DLGAP2: variants seen among roughly 807,000 people sequenced by gnomAD.
DLGAP2 encodes the protein DLG associated protein 2.
Under a neutral mutation model 100.3 loss-of-function variants are expected in DLGAP2, and 26 were observed. The ratio of observed to expected loss-of-function variants is 0.26; its 90% CI spans 0.19 to 0.36. The LOEUF (loss-of-function observed/expected upper bound fraction) is 0.36. Ranked by LOEUF, DLGAP2 falls within the 10% of genes least tolerant of loss-of-function variation. The probability of loss-of-function intolerance (pLI) is 1.00; values close to 1 mark genes in which losing one functional copy is unlikely to be tolerated. For missense variants in DLGAP2, 1,858 were observed against 1,453.2 expected, an observed-to-expected ratio of 1.28 and a Z score of -4.53; for synonymous variants, 886 against 630.1, an observed-to-expected ratio of 1.41 and a Z score of -6.08.
chr8:911,163 A>C (rs1038286913), intron 2 of DLGAP2, among the ~76,000 whole-genome samples: 10 of 152,130 alleles, frequency 6.6e-5, no homozygotes, highest in African/African-American at 2.4e-4. Flanking sequence ...CACTTGCTTT[A>C]GTATTTTTGA....
intron 2 of DLGAP2, among the ~76,000 whole-genome samples, chr8:999,192 G>A (rs548079709): frequency 2.2e-4 from 33 of 151,762 alleles, no homozygotes; most frequent in East Asian, 5.9e-4. Context: ...CCCTCCTCAC[G>A]CCAGAGATAC....
chr8:750,602 A>G (rs903311606), intron 1 of DLGAP2, among the ~76,000 whole-genome samples: 8 of 152,202 alleles, frequency 5.3e-5, no homozygotes, highest in Non-Finnish European at 1.2e-4. Context: ...AAAAACTACA[A>G]GTGAGCTATT....
At chr8:1,629,456 A>C (rs530057259) in intron 7 of DLGAP2, among the ~76,000 whole-genome samples, 1 of 152,316 alleles carries the variant, frequency 6.6e-6, no homozygotes, top group African/African-American at 2.4e-5. Flanking sequence ...ACATCAACTG[A>C]TCCTCCCCAA....
intron 2 of DLGAP2, among the ~76,000 whole-genome samples, chr8:1,052,556 T>C (rs1421065965): frequency 6.6e-6 from 1 of 152,178 alleles, no homozygotes; most frequent in Non-Finnish European, 1.5e-5. Flanking sequence ...TGACGGGGAC[T>C]CACAGGCAGG....
chr8:1,284,167 G>T lies in DLGAP2; in HGVS notation c.106+25284G>T, dbSNP rs542034409. ...CGCGGCTGTCTCCTGCAGTAGCTAA[G>T]TACAGCAATTTCCAGAACAAAGGGC... is the stretch of plus-strand genomic sequence containing the variant. On this transcript the variant is annotated intron_variant, in intron 3 of 14. Transcript: ENST00000637795. Among the ~76,000 whole-genome samples, 11 of 152,364 alleles carry T rather than the reference G, an allele frequency of 7.2e-5. No individual in the cohort carries two copies. The East Asian group carries it at 2.1e-3, about 29-fold the overall frequency.
chr8:1,696,030 C>G (rs1397698978), intron 13 of DLGAP2, among the ~76,000 whole-genome samples: 1 of 152,202 alleles, frequency 6.6e-6, no homozygotes, highest in African/African-American at 2.4e-5. Flanking sequence ...GGTCCTGGCT[C>G]TGGGTGAGGA....
At position 1,306,074 on chromosome 8, in the gene DLGAP2, C is replaced by CAAAAAAAA. The variant is rs61647224; in HGVS notation, c.106+47202_106+47209dup. Among the ~76,000 whole-genome samples, 102 of 116,422 alleles carry CAAAAAAAA rather than the reference C, an allele frequency of 8.8e-4. 4 individuals are homozygous for CAAAAAAAA. Among genetic ancestry groups the CAAAAAAAA allele is most frequent in the African/African-American group, 2.7e-3 (86 of 32,120 alleles). 76.4% of individuals were successfully genotyped at this position (116,422 alleles called of 152,430 possible). On this transcript the variant is annotated intron_variant, in intron 3 of 14. Transcript: ENST00000637795. The stretch of plus-strand genomic sequence containing the variant: ...AGAAGTCCTAGACAGAGAAATTAGG[C>CAAAAAAAA]AAAAAAAAAAAAAAAAAAGAGAGAG...
intron 2 of DLGAP2, among the ~76,000 whole-genome samples, chr8:1,084,721 G>C (rs1051866160): frequency 6.6e-6 from 1 of 152,146 alleles, no homozygotes; most frequent in Non-Finnish European, 1.5e-5. Context: ...TCCTTCTTTT[G>C]AGGCTGAATA....
intron 2 of DLGAP2, among the ~76,000 whole-genome samples, chr8:1,164,116 G>C (rs60583749): frequency 0.61 from 14,355 of 23,466 alleles, 5,064 homozygotes; most frequent in Middle Eastern, 0.7. Context: ...CTGTGAGCCC[G>C]CAGGGCCCGT....
At chr8:908,217 T>C (rs1408267758) in intron 2 of DLGAP2, among the ~76,000 whole-genome samples, 2 of 152,244 alleles carry the variant, frequency 1.3e-5, no homozygotes, top group Admixed American at 1.3e-4. Context: ...ATGATTGTTG[T>C]CCTGGGTTTT....
chr8:1,549,975 T>TGAC (rs1283473898), intron 5 of DLGAP2, among the ~76,000 whole-genome samples: 1 of 152,232 alleles, frequency 6.6e-6, no homozygotes, highest in African/African-American at 2.4e-5. Context: ...TCTCTTGAGC[T>TGAC]GACCCCTCCT....
intron 4 of DLGAP2, among the ~76,000 whole-genome samples, chr8:1,513,491 T>C (rs1350867488): frequency 1.3e-5 from 2 of 152,198 alleles, no homozygotes; most frequent in African/African-American, 4.8e-5. Flanking sequence ...ACAGCCCAGC[T>C]CAGAGGGGCC....
At chr8:1,222,720 A>G (rs1292077096) in intron 2 of DLGAP2, among the ~76,000 whole-genome samples, 1 of 151,972 alleles carries the variant, frequency 6.6e-6, no homozygotes, top group Non-Finnish European at 1.5e-5. Flanking sequence ...TATCTGCAGA[A>G]GTGCTCTGAT....
intron 5 of DLGAP2, among the ~76,000 whole-genome samples, chr8:1,557,934 G>T (rs192835374): frequency 6.6e-6 from 1 of 152,318 alleles, no homozygotes; most frequent in African/African-American, 2.4e-5. Context: ...ATAGGAATTT[G>T]GAGGAACACA....
chr8:1,094,297 A>C (rs1323795978), intron 2 of DLGAP2, among the ~76,000 whole-genome samples: 1 of 152,224 alleles, frequency 6.6e-6, no homozygotes, highest in African/African-American at 2.4e-5. Flanking sequence ...AGGCATTTTA[A>C]CTTTAATTAT....
chr8:1,598,713 C>T lies in DLGAP2; in HGVS notation c.1443-28027C>T, dbSNP rs138400816. On this transcript the variant is annotated intron_variant, in intron 6 of 14. Transcript: ENST00000637795. ...TTTCTGTGGGATCAGTGGTGATCTCCCCTTTATCATTTTTTATTGTGTCTA... is the reference window on the plus strand; with the variant it reads ...TTTCTGTGGGATCAGTGGTGATCTCTCCTTTATCATTTTTTATTGTGTCTA... Among the ~76,000 whole-genome samples, 297 of 152,012 alleles carry T rather than the reference C, an allele frequency of 2.0e-3. 1 individual carries two copies. The highest frequency in any genetic ancestry group is 0.014 in the Middle Eastern group (4 of 294).
intron 1 of DLGAP2, among the ~76,000 whole-genome samples, chr8:823,924 C>G (rs1339955878): frequency 6.6e-6 from 1 of 152,218 alleles, no homozygotes; most frequent in Non-Finnish European, 1.5e-5. Flanking sequence ...ACAGCTATCC[C>G]TTATACGATG....
At chr8:901,755 C>T (rs1798256476) in intron 1 of DLGAP2, among the ~76,000 whole-genome samples, 1 of 152,244 alleles carries the variant, frequency 6.6e-6, no homozygotes. Context: ...ATTGCTGTGG[C>T]AGCGTCGTTC....
intron 3 of DLGAP2, among the ~76,000 whole-genome samples, chr8:1,270,790 CTCTCTGTGTG>C (rs550985265): frequency 1.1e-3 from 167 of 151,400 alleles, no homozygotes; most frequent in African/African-American, 3.2e-3. Flanking sequence ...GTGTCTACCT[CTCTCTGTGTG>C]TCTCTGTGTG....
Sources: gnomAD v4.1 joint callset for allele counts (sites outside exome capture counted in the v4.1 genomes callset) on GRCh38, gnomAD v4.1.1 for gene constraint, MANE v1.5 for transcripts, NCBI Gene and HGNC (gene_info 2026-07-23, HGNC 2026-07-21) for gene names.